PAX9: variants seen among roughly 807,000 people sequenced by gnomAD.
PAX9 encodes paired box protein Pax-9.
PAX9 carries 6 observed loss-of-function variants against 29.1 expected under a neutral mutation model. The observed-to-expected ratio is 0.21, with a 90% confidence interval of 0.11 to 0.41. PAX9 has a LOEUF of 0.41. PAX9 is among the 10% of genes least tolerant of loss of function. PAX9 has a pLI of 1.00. For missense variants in PAX9, 443 were observed against 479.1 expected (o/e 0.92, Z 0.70); for synonymous variants, 217 against 211.7 (o/e 1.03, Z -0.22).
At chr14:36,662,765 G>T (rs1594466624) in intron 1 of PAX9, 132 bp from the exon 2 acceptor site, 2 of 1,077,528 alleles carry the variant, frequency 1.9e-6, no homozygotes, top group Non-Finnish European at 2.7e-6. Context: ...CATATGGTTT[G>T]GGGACAGCCC....
chr14:36,661,716 G>A (rs1051181682), upstream of PAX9: 5 of 371,592 alleles, frequency 1.3e-5, no homozygotes, highest in South Asian at 4.5e-5. Flanking sequence ...TGGGGAGCTA[G>A]CCTGAAAGAG....
At chr14:36,659,220 C>A (rs1340360687), upstream of PAX9, among the ~76,000 whole-genome samples, 3 of 152,216 alleles carry the variant, frequency 2.0e-5, no homozygotes, top group African/African-American at 7.2e-5. Flanking sequence ...TGTAACCAGG[C>A]GGCAGACTCC....
At chr14:36,672,032 A>G (rs1594472878) in intron 3 of PAX9, 1 of 152,358 alleles carries the variant, frequency 6.6e-6, no homozygotes, top group Non-Finnish European at 1.5e-5. Context: ...TTCAGGGGAA[A>G]GAATTCTCAT....
upstream of PAX9, among the ~76,000 whole-genome samples, chr14:36,660,253 G>A (rs1210759716): frequency 2.0e-5 from 3 of 152,182 alleles, no homozygotes; most frequent in Non-Finnish European, 4.4e-5. Context: ...GGTGCCACAC[G>A]ATGTCACCCA....
At position 36,679,106 on chromosome 14, in the gene PAX9, C is replaced by T. The variant is rs945645220; in HGVS notation, c.*2654C>T. The T allele has an allele frequency of 1.0e-5, 10 of 985,244 alleles. No homozygotes were observed. In the East Asian group the frequency reaches 7.9e-4, roughly 78 times the overall value. 61.0% of individuals were successfully genotyped at this position (985,244 alleles called of 1,614,324 possible). ...AATTTCATGACCTCTATGCAGGCAG[C>T]GCTCTCATTGGATGTAAGAATATTA... is the stretch of plus-strand genomic sequence containing the variant. On this transcript the variant is annotated 3_prime_UTR_variant, in exon 4 of 4. Coordinates refer to ENST00000361487, the MANE Select transcript of PAX9 (RefSeq NM_001372076.1).
intron 3 of PAX9, among the ~76,000 whole-genome samples, chr14:36,675,540 A>C (rs1881853874): frequency 6.6e-6 from 1 of 152,236 alleles, no homozygotes; most frequent in Admixed American, 6.5e-5. Context: ...ATGGGGAAAG[A>C]CAGTTTCCTT....
In PAX9 at chr14:36,666,588, C is replaced by T; in HGVS notation, c.758C>T (p.Ala253Val). Residue 253 changes from alanine to valine, a missense_variant, in exon 3 of 4, where the codon GCC becomes GTC. Physicochemically the swap from Ala to Val is moderately conservative, Grantham distance 64. Around this residue, in one of 2 missense-constraint regions of PAX9, gnomAD observed 336 missense variants for 317.2 expected, o/e 1.06. Transcript: ENST00000361487. ...GAGAAGGGAGCCCTGGAGCAGGAAG[C>T]CAAGTACGGTCAGGTGAGGAGGCGA... ...GLEKGALEQE[A>V]KYGQAPNGLP... 1 of 1,569,396 alleles carries T rather than the reference C, an allele frequency of 6.4e-7. No individual in the cohort carries two copies. Among genetic ancestry groups the T allele is most frequent in the East Asian group, 2.3e-5 (1 of 42,658 alleles).
upstream of PAX9, among the ~76,000 whole-genome samples, chr14:36,661,211 T>C (rs1320981828): frequency 2.6e-5 from 4 of 152,326 alleles, no homozygotes; most frequent in East Asian, 7.7e-4. Context: ...GTGTGGCTAG[T>C]GGTTGGCCGG....
chr14:36,661,819 T>G (rs1484517291), upstream of PAX9: 5 of 551,880 alleles, frequency 9.1e-6, no homozygotes, highest in Non-Finnish European at 1.6e-5. Flanking sequence ...TTTTAGGGCG[T>G]GTCCCCAGTG....
intron 3 of PAX9, among the ~76,000 whole-genome samples, chr14:36,673,539 C>T (rs1881773717): frequency 6.6e-6 from 1 of 152,120 alleles, no homozygotes; most frequent in South Asian, 2.1e-4. Context: ...CCAAGTGGGT[C>T]CATGTAAGGG....
At chr14:36,666,775 T>C (rs1881512526) in intron 3 of PAX9, among the ~76,000 whole-genome samples, 174 bp downstream of exon 3, 1 of 152,210 alleles carries the variant, frequency 6.6e-6, no homozygotes. Flanking sequence ...GGCCTGAGCC[T>C]TGGAAGGCGG....
chr14:36,658,993 CG>C (rs1435835204), upstream of PAX9, among the ~76,000 whole-genome samples: 1 of 152,236 alleles, frequency 6.6e-6, no homozygotes, highest in African/African-American at 2.4e-5. Flanking sequence ...TTCACACTCT[CG>C]GCCCGGCTTC....
At chr14:36,670,968 G>A in intron 3 of PAX9, 1 of 361,630 alleles carries the variant, frequency 2.8e-6, no homozygotes, top group South Asian at 2.2e-5. Flanking sequence ...GTTTTACTAG[G>A]TCATTGCATA....
intron 1 of PAX9, chr14:36,662,527 G>A (rs1881315918): frequency 4.8e-6 from 2 of 412,788 alleles, no homozygotes; most frequent in Non-Finnish European, 4.3e-6. Context: ...GATGGGATGG[G>A]TGGAGAGAGG....
intron 3 of PAX9, among the ~76,000 whole-genome samples, chr14:36,669,158 T>C (rs1881616918): frequency 6.6e-6 from 1 of 152,218 alleles, no homozygotes; most frequent in South Asian, 2.1e-4. Flanking sequence ...ATGTTGAAGA[T>C]GTGCCAAGTT....
chr14:36,674,849 G>A (rs1881825263), intron 3 of PAX9, among the ~76,000 whole-genome samples: 1 of 151,884 alleles, frequency 6.6e-6, no homozygotes, highest in African/African-American at 2.4e-5. Context: ...TTCTTTTTTT[G>A]TCAGAAATGC....
At chr14:36,660,136 A>G (rs2073242), upstream of PAX9, among the ~76,000 whole-genome samples, 1 of 151,860 alleles carries the variant, frequency 6.6e-6, no homozygotes, top group African/African-American at 2.4e-5. Flanking sequence ...AAGCTCCCCT[A>G]CGATGCGGCA....
At position 36,678,852 on chromosome 14, in the gene PAX9, G is replaced by GAT. The variant is rs1882042056; in HGVS notation, c.*2403_*2404dup. The GAT allele has an allele frequency of 3.1e-6, 3 of 975,570 alleles. No homozygotes were observed. In the South Asian group the frequency reaches 1.4e-4, roughly 47 times the overall value. The allele number at this position is 975,570 out of a possible 1,614,324, so 60.4% of individuals were successfully genotyped here. A position where few individuals can be genotyped will look rare whatever the true frequency, so the allele number is the denominator to read the frequency against. ...AATTCACATGGAGTAATTTTTAAAA[G>GAT]ATATCAGATACAATTTGCTATTCAA... On this transcript the variant is annotated 3_prime_UTR_variant, in exon 4 of 4. Transcript: ENST00000361487.
At chr14:36,669,157 A>G (rs1445335249) in intron 3 of PAX9, among the ~76,000 whole-genome samples, 1 of 152,202 alleles carries the variant, frequency 6.6e-6, no homozygotes, top group African/African-American at 2.4e-5. Context: ...AATGTTGAAG[A>G]TGTGCCAAGT....
Sources: gnomAD v4.1 joint callset for allele counts (sites outside exome capture counted in the v4.1 genomes callset) on GRCh38, gnomAD v4.1.1 for gene constraint, gnomAD v4.1.1 regional missense constraint, MANE v1.5 for transcripts, NCBI Gene and HGNC (gene_info 2026-07-23, HGNC 2026-07-21) for gene names.